GPHN: variants seen among roughly 807,000 people sequenced by gnomAD.
The protein encoded by GPHN is gephyrin.
In GPHN, 17 loss-of-function variants were observed where a neutral mutation model predicts 95.5. That is an observed-to-expected ratio of 0.18 (90% CI 0.12 to 0.27). The LOEUF (loss-of-function observed/expected upper bound fraction) is 0.27, where lower values mean the gene tolerates loss of function less well. GPHN is among the 10% of genes least tolerant of loss of function. The probability of loss-of-function intolerance (pLI) is 1.00; values close to 1 mark genes in which losing one functional copy is unlikely to be tolerated. For missense variants in GPHN, 660 were observed against 978.1 expected (o/e 0.67, Z 4.34); for synonymous variants, 320 against 322.5 (o/e 0.99, Z 0.08).
At chr14:66,533,764 C>A (rs1203927697) in intron 1 of GPHN, among the ~76,000 whole-genome samples, 1 of 152,172 alleles carries the variant, frequency 6.6e-6, no homozygotes, top group African/African-American at 2.4e-5. Flanking sequence ...TTTTAGCCAT[C>A]TTAAATTGGA....
chr14:67,136,082 A>G (rs1424116011), intron 17 of GPHN, among the ~76,000 whole-genome samples: 1 of 150,974 alleles, frequency 6.6e-6, no homozygotes, highest in Admixed American at 6.6e-5. Flanking sequence ...TGTTATTAAA[A>G]TTATCTATTG....
the GPHN span, among the ~76,000 whole-genome samples, chr14:67,563,089 T>A: frequency 6.6e-6 from 1 of 152,240 alleles, no homozygotes; most frequent in African/African-American, 2.4e-5. Context: ...ATGATGTGAA[T>A]GGCGGTTGGC....
chr14:67,484,808 T>C, the GPHN span, among the ~76,000 whole-genome samples: 1 of 152,184 alleles, frequency 6.6e-6, no homozygotes, highest in South Asian at 2.1e-4. Flanking sequence ...CTAACAGCGA[T>C]TACCATTTCT....
the GPHN span, among the ~76,000 whole-genome samples, chr14:67,244,412 C>T: frequency 6.6e-6 from 1 of 152,312 alleles, no homozygotes; most frequent in African/African-American, 2.4e-5. Flanking sequence ...CCACACTGGG[C>T]ATCGTAAGAT....
chr14:67,683,366 T>C, the GPHN span, among the ~76,000 whole-genome samples: 1 of 152,208 alleles, frequency 6.6e-6, no homozygotes, highest in Non-Finnish European at 1.5e-5. Flanking sequence ...TAAATCTATC[T>C]TCTTATACTT....
chr14:66,860,891 A>G (rs1233788861), intron 4 of GPHN, among the ~76,000 whole-genome samples: 1 of 152,112 alleles, frequency 6.6e-6, no homozygotes, highest in African/African-American at 2.4e-5. Context: ...AGCTACAAAA[A>G]AATATATAAA....
chr14:67,282,320 T>G, the GPHN span, among the ~76,000 whole-genome samples: 1 of 152,154 alleles, frequency 6.6e-6, no homozygotes, highest in Admixed American at 6.5e-5. Flanking sequence ...AGACAACTTC[T>G]CAGCCTTTTT....
the GPHN span, chr14:67,312,448 T>C: frequency 5.9e-6 from 6 of 1,021,516 alleles, no homozygotes; most frequent in Admixed American, 1.7e-4. Context: ...TAATAAAAAA[T>C]TTGTAGCATT....
the GPHN span, among the ~76,000 whole-genome samples, chr14:67,461,078 A>AT: frequency 1.3e-5 from 2 of 152,168 alleles, no homozygotes; most frequent in African/African-American, 4.8e-5. Context: ...AAAGCCCATA[A>AT]TTTTGGTCAT....
the GPHN span, among the ~76,000 whole-genome samples, chr14:67,715,904 G>A: frequency 1.3e-5 from 2 of 152,172 alleles, no homozygotes; most frequent in African/African-American, 2.4e-5. Flanking sequence ...GAGATAAGAA[G>A]TTGCCTAGAG....
chr14:67,027,618 G>A (rs1004788506), intron 10 of GPHN, among the ~76,000 whole-genome samples: 7 of 152,066 alleles, frequency 4.6e-5, no homozygotes, highest in Non-Finnish European at 8.8e-5. Flanking sequence ...CATGAGCCAC[G>A]GTGCCCAGCC....
chr14:66,637,276 T>A (rs888364853), intron 1 of GPHN, among the ~76,000 whole-genome samples: 1 of 152,152 alleles, frequency 6.6e-6, no homozygotes, highest in Admixed American at 6.5e-5. Context: ...AAATACAAAA[T>A]CTTTGCAGTT....
intron 2 of GPHN, among the ~76,000 whole-genome samples, chr14:66,683,199 C>T (rs1391378888): frequency 1.3e-5 from 2 of 150,172 alleles, no homozygotes; most frequent in Admixed American, 6.7e-5. Context: ...CTCCTGCCTG[C>T]TTGGCTTTCT....
At chr14:67,516,033 G>A in the GPHN span, among the ~76,000 whole-genome samples, 1 of 152,216 alleles carries the variant, frequency 6.6e-6, no homozygotes, top group Admixed American at 6.5e-5. Flanking sequence ...TCTTTTATTG[G>A]GAGGTGGAAA....
chr14:67,138,011 A>G lies in GPHN; in HGVS notation c.1749-5351A>G, dbSNP rs115642128. Among the ~76,000 whole-genome samples, 841 of 152,350 alleles carry G rather than the reference A, an allele frequency of 5.5e-3. 3 individuals are homozygous for G. The highest frequency in any genetic ancestry group is 0.019 in the African/African-American group (803 of 41,584). ...TTTTAGAAGTACAAATTTTGTTTCT[A>G]TCAGTATTTGGTATATACAAATAAG... On this transcript the variant is annotated intron_variant, in intron 17 of 22. Coordinates refer to ENST00000478722, the MANE Select transcript of GPHN (RefSeq NM_020806.5).
intron 20 of GPHN, among the ~76,000 whole-genome samples, chr14:67,165,856 A>C (rs965344203): frequency 6.6e-6 from 1 of 152,238 alleles, no homozygotes; most frequent in South Asian, 2.1e-4. Flanking sequence ...AAGCAGGTTC[A>C]GTTCACGATG....
At chr14:67,177,695 A>T (rs562939182) in intron 21 of GPHN, among the ~76,000 whole-genome samples, 1 of 152,096 alleles carries the variant, frequency 6.6e-6, no homozygotes, top group Non-Finnish European at 1.5e-5. Flanking sequence ...GTCTCCCATT[A>T]TTATTGTGTG....
chr14:67,444,935 T>A, the GPHN span, among the ~76,000 whole-genome samples: 1 of 152,148 alleles, frequency 6.6e-6, no homozygotes, highest in Non-Finnish European at 1.5e-5. Context: ...AATGTGTGTA[T>A]TTTTAGTAGA....
At chr14:67,229,661 A>G in the GPHN span, among the ~76,000 whole-genome samples, 1 of 152,348 alleles carries the variant, frequency 6.6e-6, no homozygotes, top group South Asian at 2.1e-4. Flanking sequence ...TGAGAAAAAA[A>G]GAATGTAAAA....
Sources: allele counts gnomAD v4.1 joint callset (sites outside exome capture counted in the v4.1 genomes callset), GRCh38; gene constraint gnomAD v4.1.1; transcripts MANE v1.5; gene names NCBI Gene and HGNC (gene_info 2026-07-23, HGNC 2026-07-21).